Variants in DSCAM observed in about 807,000 individuals in gnomAD.
The protein encoded by DSCAM is cell adhesion molecule DSCAM.
DSCAM carries 47 observed loss-of-function variants against 217.7 expected under a neutral mutation model. The observed-to-expected ratio is 0.22, with a 90% confidence interval of 0.17 to 0.28. The LOEUF (loss-of-function observed/expected upper bound fraction) is 0.28. Among genes scored for constraint, DSCAM ranks in the 10% least tolerant of loss-of-function variants. The pLI is 1.00. For missense variants in DSCAM, 2,080 were observed against 2,618.3 expected, an observed-to-expected ratio of 0.79 and a Z score of 4.49; for synonymous variants, 1,056 against 1,015.3, an observed-to-expected ratio of 1.04 and a Z score of -0.76.
chr21:40,461,335 A>C (rs2837638), intron 3 of DSCAM, among the ~76,000 whole-genome samples: 11,278 of 152,250 alleles, frequency 0.074, 820 homozygotes, highest in African/African-American at 0.18. Flanking sequence ...TAACAATAAT[A>C]ATAACATTTT....
chr21:40,230,745 T>C (rs1184981462), intron 11 of DSCAM, among the ~76,000 whole-genome samples: 1 of 152,192 alleles, frequency 6.6e-6, no homozygotes, highest in Non-Finnish European at 1.5e-5. Context: ...TCCCAGATAT[T>C]AGAGGATTTT....
chr21:40,364,777 T>C (rs35188754), intron 4 of DSCAM, among the ~76,000 whole-genome samples: 19 of 145,092 alleles, frequency 1.3e-4, no homozygotes, highest in African/African-American at 4.3e-4. Flanking sequence ...TATATATATA[T>C]ATACACACAT....
chr21:40,813,831 G>C (rs1444406299), intron 1 of DSCAM, among the ~76,000 whole-genome samples: 2 of 151,888 alleles, frequency 1.3e-5, no homozygotes, highest in African/African-American at 4.8e-5. Flanking sequence ...ATTTTTAGTA[G>C]AGACAGGGTT....
intron 3 of DSCAM, among the ~76,000 whole-genome samples, chr21:40,428,356 T>C (rs2075497250): frequency 1.3e-5 from 2 of 151,534 alleles, no homozygotes; most frequent in Admixed American, 6.6e-5. Flanking sequence ...CTGCAACCTC[T>C]GCCTCCCGGG....
intron 16 of DSCAM, among the ~76,000 whole-genome samples, chr21:40,146,460 C>G (rs1269269512): frequency 2.6e-5 from 4 of 152,132 alleles, no homozygotes; most frequent in African/African-American, 7.2e-5. Context: ...AGCTGATGAA[C>G]AGCATTGATG....
In DSCAM at chr21:40,078,796, G is replaced by T; in HGVS notation, c.4602C>A (p.Ile1534=). 1 of 1,614,246 alleles carries T rather than the reference G, an allele frequency of 6.2e-7. No individual in the cohort carries two copies. Among genetic ancestry groups the T allele is most frequent in the Non-Finnish European group, 8.5e-7 (1 of 1,180,056 alleles). The change falls in exon 26 of 33, where the codon ATC becomes ATA. Residue 1534 remains isoleucine, a synonymous_variant. Coordinates refer to ENST00000400454, the MANE Select transcript of DSCAM (RefSeq NM_001389.5). ...AGGTGGCTTCCTGCAGGTCATACAG[G>T]ATGTAGGACTTGGAGAGAGAGGTCC... The part of the protein sequence containing the change: ...AQRTSLSKSY[I]LYDLQEATWY...
At chr21:40,208,569 G>C (rs1182642491) in intron 11 of DSCAM, among the ~76,000 whole-genome samples, 1 of 152,208 alleles carries the variant, frequency 6.6e-6, no homozygotes, top group Admixed American at 6.5e-5. Flanking sequence ...GGATCTTGGA[G>C]TGCTGCATGC....
intron 1 of DSCAM, among the ~76,000 whole-genome samples, chr21:40,770,338 C>T (rs983400377): frequency 3.3e-5 from 5 of 152,152 alleles, no homozygotes; most frequent in African/African-American, 1.2e-4. Context: ...TCTCTATTGG[C>T]ATCTCAGCAT....
intron 20 of DSCAM, among the ~76,000 whole-genome samples, chr21:40,100,702 C>A (rs1035988902): frequency 7.3e-5 from 11 of 150,080 alleles, no homozygotes; most frequent in African/African-American, 2.7e-4. Flanking sequence ...ATAAACACTG[C>A]GGTATAAAGA....
chr21:40,255,803 T>C (rs2073362457), intron 11 of DSCAM, among the ~76,000 whole-genome samples: 1 of 152,202 alleles, frequency 6.6e-6, no homozygotes, highest in South Asian at 2.1e-4. Context: ...AGCTGACAGC[T>C]GGCAGGGAAG....
Position 40,178,981 on chromosome 21 carries a change from G to T in DSCAM, c.2893C>A (p.Arg965=), listed in dbSNP as rs747965562. 1.9e-6 allele frequency: 3 copies of T among 1,613,932 alleles called. No homozygotes were observed. The highest frequency in any genetic ancestry group is 2.5e-6 in the Non-Finnish European group (3 of 1,180,010). ...TYSIRMYAKN[R]IGKSEPSNEL... The stretch of plus-strand genomic sequence containing the variant: ...TTGCTGGGCTCGCTCTTGCCAATCC[G>T]GTTCTTGGCGTACATGCGGATGCTG... Residue 965 remains arginine (R), a synonymous_variant, in exon 15 of 33, where the codon CGG becomes AGG. Coordinates refer to ENST00000400454, the MANE Select transcript of DSCAM (RefSeq NM_001389.5).
chr21:40,570,827 A>C (rs943308825), intron 3 of DSCAM, among the ~76,000 whole-genome samples: 14 of 152,216 alleles, frequency 9.2e-5, no homozygotes, highest in African/African-American at 3.4e-4. Context: ...TATCTAAAAT[A>C]AAACACAAAG....
At chr21:40,170,030 A>G (rs2146779988) in intron 15 of DSCAM, among the ~76,000 whole-genome samples, 1 of 152,066 alleles carries the variant, frequency 6.6e-6, no homozygotes, top group East Asian at 1.9e-4. Flanking sequence ...CACACTGTTC[A>G]CCCACCCTAG....
intron 3 of DSCAM, among the ~76,000 whole-genome samples, chr21:40,399,710 T>TATTC (rs1555913577): frequency 2.0e-5 from 3 of 152,238 alleles, no homozygotes; most frequent in Admixed American, 6.5e-5. Context: ...AGAAGCTGCT[T>TATTC]ATTCATTCAT....
intron 16 of DSCAM, among the ~76,000 whole-genome samples, chr21:40,156,112 A>T (rs958013739): frequency 6.6e-6 from 1 of 151,346 alleles, no homozygotes; most frequent in African/African-American, 2.4e-5. Context: ...AACTAAGAGA[A>T]CCCTTAAGTG....
intron 3 of DSCAM, among the ~76,000 whole-genome samples, chr21:40,492,396 A>T (rs1421394151): frequency 6.6e-6 from 1 of 152,166 alleles, no homozygotes; most frequent in Non-Finnish European, 1.5e-5. Context: ...TAAAACTCTA[A>T]AGGAACTAGA....
intron 3 of DSCAM, among the ~76,000 whole-genome samples, chr21:40,543,596 G>A (rs2076558316): frequency 6.6e-6 from 1 of 151,970 alleles, no homozygotes; most frequent in Non-Finnish European, 1.5e-5. Flanking sequence ...TGGAGGAAAG[G>A]AATGGGGGGG....
chr21:40,412,231 C>T (rs1309128828), intron 3 of DSCAM, among the ~76,000 whole-genome samples: 1 of 152,046 alleles, frequency 6.6e-6, no homozygotes, highest in African/African-American at 2.4e-5. Flanking sequence ...TGGACGAATA[C>T]CGTAAATTGG....
At chr21:40,028,531 G>C (rs1053824276) in intron 32 of DSCAM, among the ~76,000 whole-genome samples, 8 of 152,028 alleles carry the variant, frequency 5.3e-5, no homozygotes, top group African/African-American at 1.9e-4. Context: ...TCCAAGCCAG[G>C]TGCGGGATAT....
Sources: gnomAD v4.1 joint callset for allele counts (sites outside exome capture counted in the v4.1 genomes callset) on GRCh38, gnomAD v4.1.1 for gene constraint, MANE v1.5 for transcripts, NCBI Gene and HGNC (gene_info 2026-07-23, HGNC 2026-07-21) for gene names.